The following PCDHA13 variants were observed in gnomAD, a reference collection of about 807,000 sequenced individuals.
PCDHA13 encodes the protein protocadherin alpha-13.
In PCDHA13, 54 loss-of-function variants were observed where a neutral mutation model predicts 64.8. That is an observed-to-expected ratio of 0.83 (90% CI 0.67 to 1.04). The LOEUF (loss-of-function observed/expected upper bound fraction) is 1.04, where lower values mean the gene tolerates loss of function less well. Among genes scored for constraint, PCDHA13 ranks in the 50% least tolerant of loss-of-function variants. The probability of loss-of-function intolerance (pLI) is 0.00; values close to 1 mark genes in which losing one functional copy is unlikely to be tolerated. For synonymous variants in PCDHA13, 587 were observed against 564.4 expected, an observed-to-expected ratio of 1.04 and a Z score of -0.57; for missense variants, 1,248 against 1,254.3, an observed-to-expected ratio of 0.99 and a Z score of 0.08.
intron 1 of PCDHA13, among the ~76,000 whole-genome samples, chr5:140,886,068 GC>G (rs1462692271): frequency 5.3e-5 from 8 of 152,098 alleles, no homozygotes; most frequent in African/African-American, 9.7e-5. Context: ...AAAGCGTAGG[GC>G]CATACCACAA....
intron 1 of PCDHA13, among the ~76,000 whole-genome samples, chr5:140,914,284 G>T (rs781914384): frequency 9.9e-5 from 15 of 152,022 alleles, no homozygotes; most frequent in Non-Finnish European, 2.1e-4. Flanking sequence ...ATTTATAATT[G>T]TTATATCCTC....
chr5:140,916,060 C>G (rs1554197265), intron 1 of PCDHA13, among the ~76,000 whole-genome samples: 1 of 152,174 alleles, frequency 6.6e-6, no homozygotes, highest in Non-Finnish European at 1.5e-5. Flanking sequence ...GGTGCCTCTC[C>G]CTGTGGCCAG....
At chr5:140,944,060 T>G in intron 1 of PCDHA13, among the ~76,000 whole-genome samples, 1 of 152,204 alleles carries the variant, frequency 6.6e-6, no homozygotes, top group Non-Finnish European at 1.5e-5. Flanking sequence ...ACAAAAAGGT[T>G]TCTTGTTAAA....
intron 3 of PCDHA13, among the ~76,000 whole-genome samples, chr5:140,988,398 C>A (rs531157517): frequency 1.3e-5 from 2 of 152,238 alleles, no homozygotes; most frequent in Non-Finnish European, 2.9e-5. Context: ...TGCCAGAGTT[C>A]TCTTCGCAGC....
chr5:140,903,647 T>A (rs1583499959), intron 1 of PCDHA13, among the ~76,000 whole-genome samples: 1 of 152,228 alleles, frequency 6.6e-6, no homozygotes, highest in East Asian at 1.9e-4. Flanking sequence ...ACCATATACA[T>A]ATATTATAAA....
rs538024116 is a variant in PCDHA13 at position 140,945,235 on chromosome 5, T to C, written c.2395-33714T>C. Among the ~76,000 whole-genome samples the C allele has an allele frequency of 1.1e-4, 17 of 152,128 alleles. No homozygotes were observed. In the South Asian group the frequency reaches 3.5e-3, roughly 32 times the overall value. On this transcript the variant is annotated intron_variant, in intron 1 of 3. Coordinates refer to ENST00000289272, the MANE Select transcript of PCDHA13 (RefSeq NM_018904.3). ...GAAAATAAAAATACTTAGGAATAAA[T>C]TTAACCAAGAGGATGAAAGACCTGC...
intron 1 of PCDHA13, among the ~76,000 whole-genome samples, chr5:140,937,150 G>A (rs2153631833): frequency 6.7e-6 from 1 of 149,812 alleles, no homozygotes; most frequent in East Asian, 2.0e-4. Context: ...CCATTCTCCT[G>A]CCTCAGCCTC....
chr5:140,883,871 G>C lies in PCDHA13; in HGVS notation c.1603G>C (p.Val535Leu). Residue 535 changes from valine to leucine, a missense_variant, in exon 1 of 4, where the codon GTG (valine) becomes CTG (leucine). Coordinates refer to ENST00000289272, the MANE Select transcript of PCDHA13 (RefSeq NM_018904.3). ...GGAGCTGGAGCTGTTGCAGTTCCAG[G>C]TGAGCGCGCGCGACTCTGGCGTGCC... ...HEELELLQFQ[V>L]SARDSGVPPL... is the part of the protein sequence containing the mutation. 3 of 1,613,242 alleles carry C rather than the reference G, an allele frequency of 1.9e-6. No individual in the cohort carries two copies. The highest frequency in any genetic ancestry group is 2.5e-6 in the Non-Finnish European group (3 of 1,179,870).
At chr5:140,971,434 A>T (rs1243393478) in intron 1 of PCDHA13, among the ~76,000 whole-genome samples, 1 of 152,188 alleles carries the variant, frequency 6.6e-6, no homozygotes, top group Non-Finnish European at 1.5e-5. Flanking sequence ...GAACCCCAAG[A>T]TCTACAGCTC....
intron 1 of PCDHA13, among the ~76,000 whole-genome samples, chr5:140,946,757 C>T (rs1179265601): frequency 6.6e-6 from 1 of 151,268 alleles, no homozygotes; most frequent in Non-Finnish European, 1.5e-5. Context: ...ACTGCATGAT[C>T]TCATTCATGT....
At chr5:140,967,315 G>A (rs1554229427) in intron 1 of PCDHA13, 1 of 1,610,854 alleles carries the variant, frequency 6.2e-7, no homozygotes, top group African/African-American at 1.3e-5. Context: ...ACTCAGTACA[G>A]ACCTACGAGC....
chr5:140,951,507 C>T (rs2094591964), intron 1 of PCDHA13, among the ~76,000 whole-genome samples: 1 of 151,952 alleles, frequency 6.6e-6, no homozygotes, highest in Admixed American at 6.6e-5. Context: ...AAAAGGAAAG[C>T]GGCTCATCTT....
intron 1 of PCDHA13, among the ~76,000 whole-genome samples, chr5:140,915,282 T>C (rs2077058994): frequency 2.0e-5 from 3 of 152,152 alleles, no homozygotes; most frequent in South Asian, 2.1e-4. Flanking sequence ...CATCATTTAC[T>C]CTTTCTACTT....
chr5:140,902,102 G>T (rs1407664200), intron 1 of PCDHA13, among the ~76,000 whole-genome samples: 1 of 151,098 alleles, frequency 6.6e-6, no homozygotes, highest in Non-Finnish European at 1.5e-5. Flanking sequence ...GGAGTCTTTA[G>T]ATTTTTTTAA....
intron 1 of PCDHA13, chr5:140,967,224 A>G (rs2096116008): frequency 6.2e-7 from 1 of 1,613,708 alleles, no homozygotes; most frequent in Non-Finnish European, 8.5e-7. Flanking sequence ...CGGCCCAACT[A>G]CCAGCTTCAG....
intron 1 of PCDHA13, chr5:140,928,948 A>G: frequency 1.2e-6 from 2 of 1,614,032 alleles, no homozygotes; most frequent in Non-Finnish European, 1.7e-6. Flanking sequence ...GTATTTAGTA[A>G]TTGCCTTGGC....
chr5:140,970,405 C>T (rs1361647284), intron 1 of PCDHA13, among the ~76,000 whole-genome samples: 1 of 152,120 alleles, frequency 6.6e-6, no homozygotes, highest in Non-Finnish European at 1.5e-5. Flanking sequence ...GATGGCTTAC[C>T]CTACAGTAAG....
intron 1 of PCDHA13, chr5:140,966,543 A>C (rs200134570): frequency 6.5e-6 from 3 of 461,074 alleles, no homozygotes; most frequent in Admixed American, 4.3e-5. Context: ...AGCGACTCGG[A>C]GGCGAGCGGA....
intron 2 of PCDHA13, 72 bp downstream of exon 2, chr5:140,979,079 T>C (rs1019875909): frequency 9.5e-6 from 15 of 1,584,162 alleles, no homozygotes; most frequent in African/African-American, 6.8e-5. Flanking sequence ...TGCATCTCCA[T>C]AGGCCAGAAG....
Sources: allele counts gnomAD v4.1 joint callset (sites outside exome capture counted in the v4.1 genomes callset), GRCh38; gene constraint gnomAD v4.1.1; transcripts MANE v1.5; gene names NCBI Gene and HGNC (gene_info 2026-07-23, HGNC 2026-07-21).